SAXO5: variants seen among roughly 807,000 people sequenced by gnomAD.
The protein encoded by SAXO5 is testis expressed 45.
chr19:7,505,818 A>C, the SAXO5 span: 174 of 954,650 alleles, frequency 1.8e-4, no homozygotes, highest in Non-Finnish European at 2.4e-4. Context: ...AAATGAGATA[A>C]GAGTACCAAC....
the SAXO5 span, chr19:7,506,452 C>T: frequency 6.1e-6 from 3 of 489,420 alleles, no homozygotes; most frequent in Admixed American, 6.2e-5. Flanking sequence ...CCATGCCTCT[C>T]CCCTTCATAA....
At chr19:7,501,110 G>C in the SAXO5 span, 2 of 1,505,378 alleles carry the variant, frequency 1.3e-6, no homozygotes, top group Non-Finnish European at 1.8e-6. Flanking sequence ...CGTGGGAGCT[G>C]CTGCAAGCGC....
chr19:7,503,451 C>T, the SAXO5 span, among the ~76,000 whole-genome samples: 2 of 151,922 alleles, frequency 1.3e-5, no homozygotes, highest in Non-Finnish European at 2.9e-5. Flanking sequence ...TCAATATAGT[C>T]CTTGGTAGAT....
chr19:7,506,822 C>A, the SAXO5 span: 1 of 528,086 alleles, frequency 1.9e-6, no homozygotes, highest in East Asian at 3.3e-5. Flanking sequence ...CCCTCTTCCC[C>A]AGCGCCTACC....
the SAXO5 span, among the ~76,000 whole-genome samples, chr19:7,507,844 G>T: frequency 1.3e-5 from 2 of 152,070 alleles, no homozygotes; most frequent in Admixed American, 6.6e-5. Flanking sequence ...CCCAGCCTTT[G>T]ATGCTCTGGC....
At chr19:7,502,095 T>A in the SAXO5 span, among the ~76,000 whole-genome samples, 1 of 151,864 alleles carries the variant, frequency 6.6e-6, no homozygotes, top group African/African-American at 2.4e-5. Context: ...TTTTATTATT[T>A]TTTTATTATA....
the SAXO5 span, among the ~76,000 whole-genome samples, chr19:7,498,577 G>A: frequency 6.6e-6 from 1 of 151,922 alleles, no homozygotes; most frequent in African/African-American, 2.4e-5. Context: ...TGTATTTTTA[G>A]TAGAGATGGG....
At chr19:7,506,221 C>T in the SAXO5 span, 1 of 1,386,292 alleles carries the variant, frequency 7.2e-7, no homozygotes, top group East Asian at 2.5e-5. Flanking sequence ...AAGCCCCACC[C>T]CCGAAAGCCC....
At chr19:7,506,276 C>A in the SAXO5 span, 1 of 952,730 alleles carries the variant, frequency 1.0e-6, no homozygotes, top group Non-Finnish European at 1.6e-6. Context: ...CCCCACGGAG[C>A]CCCGTCCCGG....
At chr19:7,506,357 C>G in the SAXO5 span, 1 of 669,244 alleles carries the variant, frequency 1.5e-6, no homozygotes. Context: ...TCCCCTCCCC[C>G]GGCTTCATCC....
chr19:7,505,685 C>G, the SAXO5 span: 3 of 1,513,620 alleles, frequency 2.0e-6, no homozygotes, highest in African/African-American at 4.1e-5. Context: ...GAGCAAATAG[C>G]AGGTGCAGAA....
the SAXO5 span, among the ~76,000 whole-genome samples, chr19:7,498,481 C>G: frequency 6.8e-6 from 1 of 146,424 alleles, no homozygotes; most frequent in East Asian, 2.0e-4. Flanking sequence ...ACCACGACTT[C>G]TGCCTCCTGG....
the SAXO5 span, among the ~76,000 whole-genome samples, chr19:7,508,004 C>T: frequency 6.6e-6 from 1 of 152,154 alleles, no homozygotes. Context: ...ACCCTTCTGG[C>T]CATAGCCTCG....
At chr19:7,506,460 T>G in the SAXO5 span, 2 of 438,866 alleles carry the variant, frequency 4.6e-6, no homozygotes, top group Non-Finnish European at 8.5e-6. Flanking sequence ...CTCCCCTTCA[T>G]AACTCCATCC....
chr19:7,500,882 C>T, the SAXO5 span: 3 of 1,568,226 alleles, frequency 1.9e-6, no homozygotes, highest in Non-Finnish European at 2.6e-6. Flanking sequence ...GGCTGGACTT[C>T]CTCAAGGCCT....
At chr19:7,498,881 C>T in the SAXO5 span, 1,499 of 152,662 alleles carry the variant, frequency 9.8e-3, 26 homozygotes, top group African/African-American at 0.034. Context: ...TGAGCAGAGG[C>T]GGAGGGTCAG....
At chr19:7,503,383 C>T in the SAXO5 span, among the ~76,000 whole-genome samples, 250 of 151,898 alleles carry the variant, frequency 1.6e-3, no homozygotes, top group Non-Finnish European at 2.6e-3. Flanking sequence ...AAAAGAGAGA[C>T]GGAGAGAGAG....
chr19:7,502,585 C>T, the SAXO5 span, among the ~76,000 whole-genome samples: 1 of 152,092 alleles, frequency 6.6e-6, no homozygotes, highest in Non-Finnish European at 1.5e-5. Flanking sequence ...GTGGACATAT[C>T]CTCTGAATCT....
At chr19:7,501,111 C>A in the SAXO5 span, 1 of 1,505,728 alleles carries the variant, frequency 6.6e-7, no homozygotes, top group Non-Finnish European at 8.8e-7. Flanking sequence ...GTGGGAGCTG[C>A]TGCAAGCGCA....
Sources: allele counts gnomAD v4.1 joint callset (sites outside exome capture counted in the v4.1 genomes callset), GRCh38; gene constraint gnomAD v4.1.1; transcripts MANE v1.5; gene names NCBI Gene and HGNC (gene_info 2026-07-23, HGNC 2026-07-21).